The following RAB12 variants were observed in gnomAD, a reference collection of about 807,000 sequenced individuals.
The protein encoded by RAB12 is RAB12, member RAS oncogene family.
A neutral mutation model predicts 28.4 loss-of-function variants in RAB12; 11 were observed. The observed-to-expected ratio is 0.39, with a 90% CI of 0.24 to 0.64. The LOEUF (loss-of-function observed/expected upper bound fraction) is 0.64, where lower values mean the gene tolerates loss of function less well. Ranked by LOEUF, RAB12 falls within the 30% of genes least tolerant of loss-of-function variation. The probability of loss-of-function intolerance (pLI) is 0.50; values close to 1 mark genes in which losing one functional copy is unlikely to be tolerated. For missense variants in RAB12, 276 were observed against 351.1 expected (o/e 0.79, Z 1.71); for synonymous variants, 138 against 145.3 (o/e 0.95, Z 0.36).
At chr18:8,622,284 T>G (rs533784779) in intron 1 of RAB12, among the ~76,000 whole-genome samples, 112 of 152,262 alleles carry the variant, frequency 7.4e-4, no homozygotes, top group African/African-American at 2.6e-3. Flanking sequence ...CTTGAAGAAA[T>G]TGGAAACAAA....
intron 1 of RAB12, among the ~76,000 whole-genome samples, chr18:8,621,118 A>G (rs1346753976): frequency 6.6e-6 from 1 of 152,144 alleles, no homozygotes; most frequent in African/African-American, 2.4e-5. Flanking sequence ...GACAGTAGTG[A>G]AGTCGCCACC....
intron 1 of RAB12, among the ~76,000 whole-genome samples, chr18:8,618,802 G>A (rs1291987723): frequency 1.3e-5 from 2 of 152,164 alleles, no homozygotes; most frequent in East Asian, 1.9e-4. Flanking sequence ...GTGAGCCACC[G>A]TGCTCAGCCA....
At chr18:8,633,035 C>A in intron 2 of RAB12, 154 bp from the exon 3 acceptor site, 1 of 835,174 alleles carries the variant, frequency 1.2e-6, no homozygotes, top group East Asian at 2.5e-5. Flanking sequence ...TTCCTACTTT[C>A]TTTAAGTGTG....
intron 4 of RAB12, 34 bp downstream of exon 4, chr18:8,635,656 C>G: frequency 7.2e-7 from 1 of 1,381,104 alleles, no homozygotes; most frequent in Non-Finnish European, 1.0e-6. Flanking sequence ...TTGCCACACA[C>G]TGTGCTTAGC....
chr18:8,613,138 T>G (rs1383021206), intron 1 of RAB12, among the ~76,000 whole-genome samples: 1 of 152,094 alleles, frequency 6.6e-6, no homozygotes, highest in Non-Finnish European at 1.5e-5. Flanking sequence ...TTCACAAGGG[T>G]ATGAAAAACA....
chr18:8,609,681 GGGCGGGCGGCGGCGGGC>G lies in RAB12; in HGVS notation c.250_266del (p.Gly84ArgfsTer85). ...CCGGGGCCCGGGGCGCGCAGCCGGGGGGCGGGCGGCGGCGGGCGGCGGGCCGAGCGGGAGCCGCATGC... is the reference window on the plus strand; with the variant it reads ...CCGGGGCCCGGGGCGCGCAGCCGGGGGGCGGGCCGAGCGGGAGCCGCATGC... On this transcript the variant is annotated frameshift_variant, in exon 1 of 6. Coordinates refer to ENST00000649141, the MANE Select transcript of RAB12 (RefSeq NM_001025300.3). LOFTEE classifies it high-confidence loss of function. 1.1e-6 allele frequency: 1 copy of G among 927,868 alleles called. No individual in the cohort carries two copies. The allele number at this position is 927,868 out of a possible 1,614,324, so 57.5% of individuals were successfully genotyped here.
chr18:8,625,932 G>A (rs1215435848), intron 2 of RAB12, among the ~76,000 whole-genome samples: 1 of 152,244 alleles, frequency 6.6e-6, no homozygotes, highest in East Asian at 1.9e-4. Context: ...TTCTTCATCC[G>A]TGTCCCTGTC....
intron 2 of RAB12, among the ~76,000 whole-genome samples, chr18:8,625,956 C>T (rs1304046202): frequency 6.6e-6 from 1 of 152,234 alleles, no homozygotes; most frequent in Non-Finnish European, 1.5e-5. Flanking sequence ...GCCGCAGCTG[C>T]AGCCAAGCCG....
At chr18:8,636,829 A>G (rs535933983) in intron 5 of RAB12, among the ~76,000 whole-genome samples, 1 of 152,286 alleles carries the variant, frequency 6.6e-6, no homozygotes, top group Non-Finnish European at 1.5e-5. Context: ...TTGCAAGAAA[A>G]TTGCTAGACA....
chr18:8,609,654 CGCCGGGGCCCGGGGCGCGCA>C lies in RAB12; in HGVS notation c.223_242del (p.Pro75GlyfsTer93). On this transcript the variant is annotated frameshift_variant, in exon 1 of 6. Coordinates refer to ENST00000649141, the MANE Select transcript of RAB12 (RefSeq NM_001025300.3). LOFTEE classifies it high-confidence loss of function. ...CCGCGCGCGGCGGAGGCCGAGGGGG[CGCCGGGGCCCGGGGCGCGCA>C]GCCGGGGGGCGGGCGGCGGCGGGCG... The C allele has an allele frequency of 1.3e-6, 1 of 792,166 alleles. No homozygotes were observed. The highest frequency in any genetic ancestry group is 1.5e-6 in the Non-Finnish European group (1 of 657,172). 49.1% of individuals were successfully genotyped at this position (792,166 alleles called of 1,614,324 possible).
chr18:8,636,351 G>C lies in RAB12; in HGVS notation c.903G>C (p.Leu301=). 6.4e-7 allele frequency: 1 copy of C among 1,574,032 alleles called. No homozygotes were observed. The highest frequency in any genetic ancestry group is 1.7e-4 in the Middle Eastern group (1 of 5,932). The change falls in exon 5 of 6, where the codon CTG becomes CTC. Residue 301 remains leucine, a synonymous_variant. Coordinates refer to ENST00000649141, the MANE Select transcript of RAB12 (RefSeq NM_001025300.3). ...TTTTGAAACTTGTCGATGACATTCT[G>C]AAAAAGGTAAAAAAAAGAATCTACA... ...EIFLKLVDDI[L]KKMPLDILRN... is the part of the protein sequence containing the mutation.
intron 1 of RAB12, among the ~76,000 whole-genome samples, chr18:8,613,830 A>AGTG (rs71356238): frequency 5.2e-5 from 1 of 19,086 alleles, no homozygotes; most frequent in Non-Finnish European, 1.3e-4. Context: ...TATAAATAGA[A>AGTG]GTAGTAGTAG....
At chr18:8,616,153 A>G (rs1403008938) in intron 1 of RAB12, among the ~76,000 whole-genome samples, 2 of 152,126 alleles carry the variant, frequency 1.3e-5, no homozygotes, top group Non-Finnish European at 1.5e-5. Flanking sequence ...ATCCTGCTCG[A>G]CCTTCCCCTG....
rs1567898835 is a variant in RAB12, at chr18:8,639,147, C to CTTTTTGTTTTT, written c.*890_*891insGTTTTTTTTTT. The CTTTTTGTTTTT allele has an allele frequency of 6.2e-5, 1 of 16,046 alleles. No homozygotes were observed. Among genetic ancestry groups the CTTTTTGTTTTT allele is most frequent in the Non-Finnish European group, 1.3e-4 (1 of 7,592 alleles). 1.0% of individuals were successfully genotyped at this position (16,046 alleles called of 1,614,324 possible). A position where few individuals can be genotyped will look rare whatever the true frequency, so the allele number is the denominator to read the frequency against. ...ATTCTGATTAAGCCTAGACTGTGTT[C>CTTTTTGTTTTT]TTTTTTTTTTTTTTTTTTTTTTTTT... On this transcript the variant is annotated 3_prime_UTR_variant, in exon 6 of 6. Coordinates refer to ENST00000649141, the MANE Select transcript of RAB12 (RefSeq NM_001025300.3).
intron 1 of RAB12, among the ~76,000 whole-genome samples, chr18:8,618,598 C>T (rs1213822455): frequency 6.6e-6 from 1 of 152,026 alleles, no homozygotes; most frequent in Admixed American, 6.5e-5. Context: ...CAAGCTCCGC[C>T]TCCCGGGTTC....
intron 1 of RAB12, among the ~76,000 whole-genome samples, chr18:8,611,921 T>C (rs1179500936): frequency 6.6e-6 from 1 of 152,246 alleles, no homozygotes; most frequent in Non-Finnish European, 1.5e-5. Flanking sequence ...CAGTGCGTGC[T>C]TCTAACTGTG....
chr18:8,622,753 A>G (rs1409630715), intron 1 of RAB12, among the ~76,000 whole-genome samples: 1 of 152,202 alleles, frequency 6.6e-6, no homozygotes. Flanking sequence ...TGGGAGCACT[A>G]CGGGAGACTG....
At chr18:8,627,213 C>T (rs139496083) in intron 2 of RAB12, among the ~76,000 whole-genome samples, 5 of 152,256 alleles carry the variant, frequency 3.3e-5, no homozygotes, top group African/African-American at 1.2e-4. Context: ...GGCGTGTTGT[C>T]GTCGTTTCAC....
intron 2 of RAB12, 76 bp downstream of exon 2, chr18:8,625,074 T>G (rs756120953): frequency 1.1e-6 from 1 of 936,310 alleles, no homozygotes; most frequent in Non-Finnish European, 1.7e-6. Context: ...TAAAATGAAC[T>G]GTTTGAGCTG....
Sources: gnomAD v4.1 joint callset for allele counts (sites outside exome capture counted in the v4.1 genomes callset) on GRCh38, gnomAD v4.1.1 for gene constraint, MANE v1.5 for transcripts, NCBI Gene and HGNC (gene_info 2026-07-23, HGNC 2026-07-21) for gene names.